Variants in PLEKHA8 observed in about 807,000 individuals in gnomAD.
The protein encoded by PLEKHA8 is pleckstrin homology domain containing A8, also known as pleckstrin homology domain-containing family A member 8.
A neutral mutation model predicts 68.2 loss-of-function variants in PLEKHA8; 36 were observed. The observed-to-expected ratio is 0.53, with a 90% CI of 0.40 to 0.70. The LOEUF (loss-of-function observed/expected upper bound fraction) is 0.70, where lower values mean the gene tolerates loss of function less well. PLEKHA8 is among the 30% of genes least tolerant of loss of function. PLEKHA8 has a pLI of 0.00. For synonymous variants in PLEKHA8, 211 were observed against 216.1 expected, an observed-to-expected ratio of 0.98 and a Z score of 0.20; for missense variants, 505 against 615.4, an observed-to-expected ratio of 0.82 and a Z score of 1.90.
chr7:30,094,833 C>T (rs545395327), downstream of PLEKHA8, among the ~76,000 whole-genome samples: 5 of 152,174 alleles, frequency 3.3e-5, no homozygotes, highest in African/African-American at 1.2e-4. Flanking sequence ...GCTTCATCCA[C>T]GTCCCTACAA....
At chr7:30,055,906 C>T (rs1399562671) in intron 9 of PLEKHA8, among the ~76,000 whole-genome samples, 1 of 151,726 alleles carries the variant, frequency 6.6e-6, no homozygotes, top group Non-Finnish European at 1.5e-5. Context: ...TCCTTCCCTC[C>T]CAAAATGTGA....
chr7:30,052,520 G>A (rs145407303), intron 6 of PLEKHA8, among the ~76,000 whole-genome samples, 189 bp from the exon 7 acceptor site: 1 of 151,714 alleles, frequency 6.6e-6, no homozygotes, highest in Non-Finnish European at 1.5e-5. Context: ...CCTGTAGTCC[G>A]AGCTACTCAG....
Position 30,046,367 on chromosome 7 carries a change from C to A in PLEKHA8, c.313+2C>A. 1 of 1,597,476 alleles carries A rather than the reference C, an allele frequency of 6.3e-7. No homozygotes were observed. On this transcript the variant is annotated splice_donor_variant, in intron 3 of 13. Transcript: ENST00000449726. LOFTEE classifies it high-confidence loss of function. ...ACAGTAGGACCCAGAAGGAGAAAGG[C>A]AAGTACTGATTGTCCTTTGCTGTGG...
downstream of PLEKHA8, among the ~76,000 whole-genome samples, chr7:30,088,952 G>C (rs751007347): frequency 3.3e-5 from 5 of 152,222 alleles, no homozygotes; most frequent in Non-Finnish European, 7.4e-5. Context: ...GAGTTTGCTG[G>C]GGAGAGATGG....
chr7:30,034,502 C>G (rs985609398), intron 1 of PLEKHA8, among the ~76,000 whole-genome samples: 1 of 152,124 alleles, frequency 6.6e-6, no homozygotes, highest in Non-Finnish European at 1.5e-5. Flanking sequence ...TAACAATTAA[C>G]ACATATGTTA....
chr7:30,046,495 T>C, intron 3 of PLEKHA8, 130 bp downstream of exon 3: 1 of 1,041,014 alleles, frequency 9.6e-7, no homozygotes, highest in South Asian at 1.8e-5. Context: ...CTGTGTATCT[T>C]AGTATAATTT....
rs988047217 is a variant in PLEKHA8, at chr7:30,077,486, A to T, written c.1363-1104A>T. ...CCAGGCAGTGGGCTAAACACTTCCTACAGATCCCATTAATGCTTAAAATAA... is the reference window on the plus strand; with the variant it reads ...CCAGGCAGTGGGCTAAACACTTCCTTCAGATCCCATTAATGCTTAAAATAA... On this transcript the variant is annotated intron_variant, in intron 13 of 13. Transcript: ENST00000449726. Among the ~76,000 whole-genome samples the T allele has an allele frequency of 5.3e-5, 8 of 152,184 alleles. No homozygotes were observed. The East Asian group carries it at 1.5e-3, about 29-fold the overall frequency.
At chr7:30,046,447 T>G (rs1203314298) in intron 3 of PLEKHA8, 82 bp downstream of exon 3, 1 of 1,460,634 alleles carries the variant, frequency 6.8e-7, no homozygotes, top group African/African-American at 1.4e-5. Context: ...GTTATCTTGC[T>G]TCTGACCACC....
Position 30,049,385 on chromosome 7 carries a change from A to G in PLEKHA8, c.597+3A>G, listed in dbSNP as rs1465951484. On this transcript the variant is annotated splice_donor_region_variant and intron_variant, in intron 5 of 13. Coordinates refer to ENST00000449726, the MANE Select transcript of PLEKHA8 (RefSeq NM_001197026.2). ...TGGCCATGCTCAAGTCCAGCAAGGT[A>G]AAAGTCCAGCTCAGTTTGGCTGCAA... 1.2e-6 allele frequency: 2 copies of G among 1,613,282 alleles called. No individual in the cohort carries two copies. The highest frequency in any genetic ancestry group is 2.2e-5 in the East Asian group (1 of 44,870).
At chr7:30,040,230 G>A (rs978822694) in intron 1 of PLEKHA8, among the ~76,000 whole-genome samples, 6 of 152,068 alleles carry the variant, frequency 3.9e-5, no homozygotes, top group South Asian at 2.1e-4. Flanking sequence ...AAATCTAGGG[G>A]GTGTCTTACC....
At chr7:30,048,231 A>G (rs1792118523) in intron 4 of PLEKHA8, among the ~76,000 whole-genome samples, 1 of 152,162 alleles carries the variant, frequency 6.6e-6, no homozygotes, top group African/African-American at 2.4e-5. Flanking sequence ...CCTTCCTGGA[A>G]TAAATTAGGG....
downstream of PLEKHA8, among the ~76,000 whole-genome samples, chr7:30,088,452 G>C (rs1441897815): frequency 6.6e-6 from 1 of 152,068 alleles, no homozygotes; most frequent in African/African-American, 2.4e-5. Context: ...TTAGGAATGT[G>C]GCCTGTCACT....
intron 13 of PLEKHA8, among the ~76,000 whole-genome samples, chr7:30,100,528 G>A (rs925019860): frequency 6.6e-6 from 1 of 152,066 alleles, no homozygotes; most frequent in African/African-American, 2.4e-5. Flanking sequence ...TCCAACCTGG[G>A]CAACAGAGCG....
chr7:30,092,807 A>G (rs969298868), downstream of PLEKHA8, among the ~76,000 whole-genome samples: 1 of 152,200 alleles, frequency 6.6e-6, no homozygotes, highest in Admixed American at 6.5e-5. Flanking sequence ...AGAGACTGGG[A>G]GAGACGATCC....
intron 7 of PLEKHA8, among the ~76,000 whole-genome samples, chr7:30,053,094 C>A (rs1792554830): frequency 6.6e-6 from 1 of 152,190 alleles, no homozygotes; most frequent in Non-Finnish European, 1.5e-5. Flanking sequence ...GCTCAGTGTT[C>A]TTGGCTGTGT....
intron 13 of PLEKHA8, among the ~76,000 whole-genome samples, chr7:30,111,876 G>T (rs760708448): frequency 2.0e-5 from 3 of 152,026 alleles, no homozygotes; most frequent in African/African-American, 7.2e-5. Flanking sequence ...TTAAATCCAT[G>T]AGTTTAAAAA....
At position 30,052,738 on chromosome 7, in the gene PLEKHA8, G is replaced by T; in HGVS notation, c.668G>T (p.Gly223Val). 1 of 1,558,372 alleles carries T rather than the reference G, an allele frequency of 6.4e-7. No homozygotes were observed. Among genetic ancestry groups the T allele is most frequent in the South Asian group, 1.2e-5 (1 of 81,750 alleles). ...ATGGAGTTGAGCACTTGTGAAAATGGATCTTTAAATATGGAAATAAATGGT... is the reference window on the plus strand; with the variant it reads ...ATGGAGTTGAGCACTTGTGAAAATGTATCTTTAAATATGGAAATAAATGGT... ...RQMELSTCEN[G>V]SLNMEINGEE... is the part of the protein sequence containing the mutation. Residue 223 changes from glycine (G) to valine (V), a missense_variant, in exon 7 of 14, where the codon GGA (glycine) becomes GTA (valine). Coordinates refer to ENST00000449726, the MANE Select transcript of PLEKHA8 (RefSeq NM_001197026.2).
chr7:30,127,646 C>A (rs1343796760), intron 13 of PLEKHA8, among the ~76,000 whole-genome samples: 1 of 152,202 alleles, frequency 6.6e-6, no homozygotes, highest in Non-Finnish European at 1.5e-5. Context: ...AGGGCACCCC[C>A]TTCCAAGTTT....
chr7:30,071,940 C>T (rs1794262559), intron 12 of PLEKHA8: 1 of 152,198 alleles, frequency 6.6e-6, no homozygotes, highest in Non-Finnish European at 1.5e-5. Context: ...CCCATCTGTA[C>T]TGTACGCTTT....
Sources: allele counts gnomAD v4.1 joint callset (sites outside exome capture counted in the v4.1 genomes callset), GRCh38; gene constraint gnomAD v4.1.1; transcripts MANE v1.5; gene names NCBI Gene and HGNC (gene_info 2026-07-23, HGNC 2026-07-21).